ADCY6: variants seen among roughly 807,000 people sequenced by gnomAD.
ADCY6 encodes adenylate cyclase 6.
In ADCY6, 59 loss-of-function variants were observed where a neutral mutation model predicts 111.6. That is an observed-to-expected ratio of 0.53 (90% CI 0.43 to 0.66). The LOEUF (loss-of-function observed/expected upper bound fraction) is 0.66, where lower values mean the gene tolerates loss of function less well. ADCY6 is among the 30% of genes least tolerant of loss of function. The pLI is 0.00. For missense variants in ADCY6, 1,242 were observed against 1,595.6 expected, an observed-to-expected ratio of 0.78 and a Z score of 3.78; for synonymous variants, 576 against 642.9, an observed-to-expected ratio of 0.90 and a Z score of 1.57.
In ADCY6 at chr12:48,784,568, G is replaced by A. The variant is rs186148839; in HGVS notation, c.-4-1130C>T. On this transcript the variant is annotated intron_variant, in intron 1 of 21. Transcript: ENST00000357869. ...GGAAAAGAGTTCATACCCTGTGCAT[G>A]GGGCAGGCACCACCCAGCAGCTGTA... 2.0e-5 allele frequency among the ~76,000 whole-genome samples: 3 copies of A among 151,890 alleles called. No individual in the cohort carries two copies. The East Asian group carries it at 5.8e-4, about 29-fold the overall frequency.
chr12:48,777,879 CATCAGAGCCCCCT>C lies in ADCY6; in HGVS notation c.1015-156_1015-144del, dbSNP rs1222865074. 1 of 1,370,372 alleles carries C rather than the reference CATCAGAGCCCCCT, an allele frequency of 7.3e-7. No homozygotes were observed. Among genetic ancestry groups the C allele is most frequent in the Non-Finnish European group, 9.9e-7 (1 of 1,013,446 alleles). 84.9% of individuals were successfully genotyped at this position (1,370,372 alleles called of 1,614,324 possible). A position where few individuals can be genotyped will look rare whatever the true frequency, so the allele number is the denominator to read the frequency against. Reference sequence around the variant, plus strand: ...TCTGGACTGTGGCCTGACCTTCCCCCATCAGAGCCCCCTCTGACCACCCTCCATTGAGCCCCCA... The same window carrying C: ...TCTGGACTGTGGCCTGACCTTCCCCCCTGACCACCCTCCATTGAGCCCCCA... On this transcript the variant is annotated intron_variant, in intron 3 of 21. Transcript: ENST00000357869. The surrounding 1 kb of genome is among the most constrained non-coding windows in gnomAD (Gnocchi z 4.9).
rs142890342 is a variant in ADCY6 at position 48,782,198 on chromosome 12, CT to C, written c.864+372del. 0.054 allele frequency among the ~76,000 whole-genome samples: 8,293 copies of C among 152,230 alleles called. 735 individuals are homozygous for C. The highest frequency in any genetic ancestry group is 0.19 in the African/African-American group (7,783 of 41,496). On this transcript the variant is annotated intron_variant, in intron 2 of 21. Coordinates refer to ENST00000357869, the MANE Select transcript of ADCY6 (RefSeq NM_015270.5). The surrounding 1 kb of genome is among the most constrained non-coding windows in gnomAD (Gnocchi z 4.3). ...AAGGCCTGGACACAGCCTGCACTGC[CT>C]TTTCAGCCCCACGGTGGCCCTGGGG...
At position 48,782,451 on chromosome 12, in the gene ADCY6, A is replaced by G. The variant is rs1458891291; in HGVS notation, c.864+120T>C. The G allele has an allele frequency of 2.8e-6, 4 of 1,452,244 alleles. No individual in the cohort carries two copies. Among genetic ancestry groups the G allele is most frequent in the Non-Finnish European group, 2.7e-6 (3 of 1,100,740 alleles). 90.0% of individuals were successfully genotyped at this position (1,452,244 alleles called of 1,614,324 possible). On this transcript the variant is annotated intron_variant, in intron 2 of 21. Coordinates refer to ENST00000357869, the MANE Select transcript of ADCY6 (RefSeq NM_015270.5). This position sits in a 1 kb window ranked among gnomAD's most constrained non-coding sequence, Gnocchi z 4.3. Reference sequence around the variant, plus strand: ...CTCCTCCTCCCAGATACAGCCAGACATCCCTGCACCCAGCTTCCACCCATG... The same window carrying G: ...CTCCTCCTCCCAGATACAGCCAGACGTCCCTGCACCCAGCTTCCACCCATG...
chr12:48,773,480 G>A lies in ADCY6; in HGVS notation c.2610C>T (p.Gly870=), dbSNP rs774851877. ...GAGAATAAACTCACAAGCCATGGAC[G>A]CCAAGCAGTAGGTCATAGTTGTCAA... ...TIFDNYDLLL[G]VHGLASSNET... is the part of the protein sequence containing the mutation. The change falls in exon 16 of 22, where the codon GGC becomes GGT. Residue 870 remains glycine, a synonymous_variant. Coordinates refer to ENST00000357869, the MANE Select transcript of ADCY6 (RefSeq NM_015270.5). The A allele has an allele frequency of 2.4e-5, 38 of 1,613,650 alleles. No homozygotes were observed. Among genetic ancestry groups the A allele is most frequent in the Non-Finnish European group, 2.1e-5 (25 of 1,179,822 alleles).
rs1156731329 is a variant in ADCY6, at chr12:48,776,298, C to A, written c.1588G>T (p.Val530Leu). The A allele has an allele frequency of 1.2e-6, 2 of 1,614,142 alleles. No homozygotes were observed. Among genetic ancestry groups the A allele is most frequent in the Admixed American group, 1.7e-5 (1 of 60,014 alleles). ...CGCTCGCCACCACGGCCTGGCTCCACCTCGTAGTCCCCGTTCAGGTACTGC... is the reference window on the plus strand; with the variant it reads ...CGCTCGCCACCACGGCCTGGCTCCAACTCGTAGTCCCCGTTCAGGTACTGC... ...TLQYLNGDYE[V>L]EPGRGGERNA... The change falls in exon 8 of 22, where the codon GTG (valine) becomes TTG (leucine). Residue 530 changes from valine (V) to leucine (L), a missense_variant. Coordinates refer to ENST00000357869, the MANE Select transcript of ADCY6 (RefSeq NM_015270.5). The surrounding 1 kb of genome is among the most constrained non-coding windows in gnomAD (Gnocchi z 6.1).
chr12:48,770,196 G>A (rs941472829), intron 20 of ADCY6, among the ~76,000 whole-genome samples: 5 of 151,184 alleles, frequency 3.3e-5, no homozygotes, highest in African/African-American at 9.7e-5. Context: ...GATCCACCGC[G>A]CCCGGCATGG....
chr12:48,771,326 A>G lies in ADCY6; in HGVS notation c.3052-356T>C. ...AGTGAACAGCCCATTCCTGATCTGG[A>G]TGTTCAGGACACTACCTCACATTTT... On this transcript the variant is annotated intron_variant, in intron 19 of 21. Transcript: ENST00000357869. This position sits in a 1 kb window ranked among gnomAD's most constrained non-coding sequence, Gnocchi z 4.3. 1 of 479,670 alleles carries G rather than the reference A, an allele frequency of 2.1e-6. No homozygotes were observed. The highest frequency in any genetic ancestry group is 2.2e-5 in the South Asian group (1 of 45,418). 29.7% of individuals were successfully genotyped at this position (479,670 alleles called of 1,614,324 possible).
chr12:48,771,777 A>G lies in ADCY6; in HGVS notation c.2984T>C (p.Leu995Pro). 1 of 1,614,224 alleles carries G rather than the reference A, an allele frequency of 6.2e-7. No homozygotes were observed. Among genetic ancestry groups the G allele is most frequent in the Non-Finnish European group, 8.5e-7 (1 of 1,180,036 alleles). ...IANFSEFYVE[L>P]EANNEGVECL... ...CTCGACACCCTCATTGTTTGCCTCC[A>G]GCTCCACATAGAACTCAGAGAAGTT... is the stretch of plus-strand genomic sequence containing the variant. The change falls in exon 19 of 22, where the codon CTG (leucine) becomes CCG (proline). Residue 995 changes from leucine to proline, a missense_variant. Coordinates refer to ENST00000357869, the MANE Select transcript of ADCY6 (RefSeq NM_015270.5). The surrounding 1 kb of genome is among the most constrained non-coding windows in gnomAD (Gnocchi z 4.3).
In ADCY6 at chr12:48,776,549, G is replaced by A. The variant is rs1374045751; in HGVS notation, c.1414C>T (p.Arg472Cys). 1.9e-6 allele frequency: 3 copies of A among 1,612,988 alleles called. No individual in the cohort carries two copies. The highest frequency in any genetic ancestry group is 1.7e-6 in the Non-Finnish European group (2 of 1,179,950). ...ACGCGCCCGCTGTGGATGCCCACGC[G>A]CATGTTCACATTCACACCTGTCACC... Reference protein sequence around the residue: ...REVTGVNVNMRVGIHSGRVHC... With the variant: ...REVTGVNVNMCVGIHSGRVHC... The change falls in exon 7 of 22, where the codon CGC (arginine) becomes TGC (cysteine). Residue 472 changes from arginine to cysteine, a missense_variant. By Grantham distance (180) the Arg-to-Cys change is radical. Transcript: ENST00000357869. This position sits in a 1 kb window ranked among gnomAD's most constrained non-coding sequence, Gnocchi z 6.1.
chr12:48,768,236 A>G lies in ADCY6; in HGVS notation c.*355T>C. On this transcript the variant is annotated 3_prime_UTR_variant, in exon 22 of 22. Coordinates refer to ENST00000357869, the MANE Select transcript of ADCY6 (RefSeq NM_015270.5). The stretch of plus-strand genomic sequence containing the variant: ...TCAGCCCTGAACCTGCTGCCCAGAC[A>G]GACAGGGAAGGGTAGGCATGGCAAG... The G allele has an allele frequency of 2.8e-6, 1 of 362,252 alleles. No homozygotes were observed. The highest frequency in any genetic ancestry group is 5.2e-6 in the Non-Finnish European group (1 of 192,008). The allele number at this position is 362,252 out of a possible 1,614,324, so 22.4% of individuals were successfully genotyped here. A position where few individuals can be genotyped will look rare whatever the true frequency, so the allele number is the denominator to read the frequency against.
At chr12:48,775,131 G>A in intron 11 of ADCY6, 77 bp from the exon 12 acceptor site, 1 of 1,458,332 alleles carries the variant, frequency 6.9e-7, no homozygotes, top group South Asian at 1.2e-5. Flanking sequence ...GGCACTACCA[G>A]GGGTCTCAAC....
At position 48,771,084 on chromosome 12, in the gene ADCY6, G is replaced by C; in HGVS notation, c.3052-114C>G. The C allele has an allele frequency of 9.5e-7, 1 of 1,047,980 alleles. No individual in the cohort carries two copies. 64.9% of individuals were successfully genotyped at this position (1,047,980 alleles called of 1,614,324 possible). ...CCTTCCCCACTTCCCTGTCTCAAGA[G>C]CCCCCTTCCAGCTGCTGCTATCAGT... is the stretch of plus-strand genomic sequence containing the variant. On this transcript the variant is annotated intron_variant, in intron 19 of 21. Coordinates refer to ENST00000357869, the MANE Select transcript of ADCY6 (RefSeq NM_015270.5). The surrounding 1 kb of genome is among the most constrained non-coding windows in gnomAD (Gnocchi z 4.3).
At position 48,770,428 on chromosome 12, in the gene ADCY6, A is replaced by T. The variant is rs2137331603; in HGVS notation, c.3256+338T>A. ...CCTCTTATTGGACTGGTCACAGATA[A>T]GGACAGAAGTATTCAAGTTTATATA... On this transcript the variant is annotated intron_variant, in intron 20 of 21. Transcript: ENST00000357869. 3.3e-5 allele frequency among the ~76,000 whole-genome samples: 5 copies of T among 152,312 alleles called. No individual in the cohort carries two copies. In the South Asian group the frequency reaches 1.0e-3, roughly 32 times the overall value.
At chr12:48,774,897 T>C in intron 12 of ADCY6, 60 bp downstream of exon 12, 1 of 1,527,826 alleles carries the variant, frequency 6.5e-7, no homozygotes, top group Non-Finnish European at 8.9e-7. Flanking sequence ...TGTGGGTATT[T>C]AGGAAGCTTC....
At chr12:48,778,005 C>T in intron 3 of ADCY6, 103 bp downstream of exon 3, 1 of 1,461,592 alleles carries the variant, frequency 6.8e-7, no homozygotes, top group Admixed American at 2.1e-5. Flanking sequence ...CCAGGGGAAC[C>T]ATCACACTGT....
intron 1 of ADCY6, among the ~76,000 whole-genome samples, chr12:48,786,066 T>C (rs1344186279): frequency 6.6e-6 from 1 of 152,180 alleles, no homozygotes; most frequent in Non-Finnish European, 1.5e-5. Flanking sequence ...CACTCCTCTA[T>C]GCTCACAGAG....
Position 48,774,988 on chromosome 12 carries a change from T to TGAAGCAGAA in ADCY6, c.2038_2046dup (p.Phe680_Phe682dup). On this transcript the variant is annotated inframe_insertion, in exon 12 of 22. Coordinates refer to ENST00000357869, the MANE Select transcript of ADCY6 (RefSeq NM_015270.5). ...AAGATGAGAAGCTGGATGAAGCAGATGAAGCAGAAGACCAACAGGGCACAG... is the reference window on the plus strand; with the variant it reads ...AAGATGAGAAGCTGGATGAAGCAGATGAAGCAGAAGAAGCAGAAGACCAACAGGGCACAG... The TGAAGCAGAA allele has an allele frequency of 6.4e-7, 1 of 1,557,674 alleles. No homozygotes were observed. The highest frequency in any genetic ancestry group is 1.2e-5 in the South Asian group (1 of 84,372).
At position 48,775,906 on chromosome 12, in the gene ADCY6, G is replaced by A. The variant is rs1370613926; in HGVS notation, c.1806+57C>T. ...ACAAGAAAGGACAGGGTCAGGGACA[G>A]GGTATTGAGGGAGCTAAGAAAATGA... On this transcript the variant is annotated intron_variant, in intron 9 of 21. Coordinates refer to ENST00000357869, the MANE Select transcript of ADCY6 (RefSeq NM_015270.5). 5 of 1,560,454 alleles carry A rather than the reference G, an allele frequency of 3.2e-6. No individual in the cohort carries two copies. In the African/African-American group the frequency reaches 4.1e-5, roughly 13 times the overall value.
In ADCY6 at chr12:48,772,414, C is replaced by T. The variant is rs140769009; in HGVS notation, c.2668G>A (p.Gly890Arg). 3.2e-4 allele frequency: 522 copies of T among 1,614,034 alleles called. No homozygotes were observed. Among genetic ancestry groups the T allele is most frequent in the Non-Finnish European group, 4.0e-4 (471 of 1,180,008 alleles). Residue 890 changes from glycine to arginine, a missense_variant, in exon 18 of 22, where the codon GGG (glycine) becomes AGG (arginine). Physicochemically the swap from Gly to Arg is moderately radical, Grantham distance 125 (BLOSUM62 -2). Around this residue, in one of 4 missense-constraint regions of ADCY6, gnomAD observed 375 missense variants for 432.5 expected, o/e 0.87. Coordinates refer to ENST00000357869, the MANE Select transcript of ADCY6 (RefSeq NM_015270.5). ...TFDGLDCPAA[G>R]RVALKYMTPV... is the part of the protein sequence containing the mutation. ...GTCATATATTTGAGGGCCACCCTCC[C>T]TGCAGCTGGACTAAGGATAAGCAGA... is the stretch of plus-strand genomic sequence containing the variant.
Sources: gnomAD v4.1 joint callset for allele counts (sites outside exome capture counted in the v4.1 genomes callset) on GRCh38, gnomAD v4.1.1 for gene constraint, gnomAD v4.1.1 regional missense constraint, Gnocchi (gnomAD v3.1) non-coding constraint, MANE v1.5 for transcripts, NCBI Gene and HGNC (gene_info 2026-07-23, HGNC 2026-07-21) for gene names.